The following OCIAD1 variants were observed in gnomAD, a reference collection of about 807,000 sequenced individuals.
OCIAD1 encodes the protein OCIA domain-containing protein 1.
OCIAD1 carries 29 observed loss-of-function variants against 38.9 expected under a neutral mutation model. The ratio of observed to expected loss-of-function variants is 0.74; its 90% CI spans 0.55 to 1.02. The LOEUF (loss-of-function observed/expected upper bound fraction) is 1.02. Among genes scored for constraint, OCIAD1 ranks in the 50% least tolerant of loss-of-function variants. The probability of loss-of-function intolerance (pLI) is 0.00; values close to 1 mark genes in which losing one functional copy is unlikely to be tolerated. For synonymous variants in OCIAD1, 110 were observed against 92.0 expected (o/e 1.20, Z -1.12); for missense variants, 288 against 289.6 (o/e 0.99, Z 0.04).
At chr4:48,838,850 A>G (rs1336337376) in intron 3 of OCIAD1, among the ~76,000 whole-genome samples, 4 of 152,210 alleles carry the variant, frequency 2.6e-5, no homozygotes. Context: ...ATGTTTCTAT[A>G]CTGACCTACA....
intron 3 of OCIAD1, among the ~76,000 whole-genome samples, chr4:48,839,421 G>A (rs1263819021): frequency 7.0e-6 from 1 of 143,578 alleles, no homozygotes; most frequent in Non-Finnish European, 1.5e-5. Flanking sequence ...GGGTGACAAA[G>A]CGAGACTTCA....
At chr4:48,812,310 A>AAAAAAAAAAAAAAAAAAAAAAAAAAC in intron 1 of OCIAD1, among the ~76,000 whole-genome samples, 1 of 148,060 alleles carries the variant, frequency 6.8e-6, no homozygotes, top group Non-Finnish European at 1.5e-5. Flanking sequence ...AAAAAAAAAA[A>AAAAAAAAAAAAAAAAAAAAAAAAAAC]AAAAAAGAAA....
chr4:48,860,857 A>C lies in OCIAD1; in HGVS notation c.*95A>C, dbSNP rs748906613. 2 of 873,670 alleles carry C rather than the reference A, an allele frequency of 2.3e-6. No homozygotes were observed. Among genetic ancestry groups the C allele is most frequent in the Non-Finnish European group, 3.8e-6 (2 of 529,096 alleles). The allele number at this position is 873,670 out of a possible 1,614,324, so 54.1% of individuals were successfully genotyped here. A position where few individuals can be genotyped will look rare whatever the true frequency, so the allele number is the denominator to read the frequency against. ...TGCTTTGAGCTCAGCAGCAGTCTTC[A>C]TAAACACATTTAAAACAAGATCCTG... is the stretch of plus-strand genomic sequence containing the variant. On this transcript the variant is annotated 3_prime_UTR_variant, in exon 9 of 9. Transcript: ENST00000264312.
chr4:48,854,037 A>G (rs898291498), intron 7 of OCIAD1, among the ~76,000 whole-genome samples: 2 of 152,196 alleles, frequency 1.3e-5, no homozygotes, highest in African/African-American at 4.8e-5. Flanking sequence ...GAGAATGGCT[A>G]AAGTCACTAT....
At chr4:48,839,792 GTAA>G (rs140195853) in intron 3 of OCIAD1, among the ~76,000 whole-genome samples, 2,612 of 152,260 alleles carry the variant, frequency 0.017, 72 homozygotes, top group African/African-American at 0.059. Flanking sequence ...TGGGACTGTG[GTAA>G]TAATGTGCAC....
At chr4:48,852,875 G>GTTTTTTTTTTTTTTTTT (rs770694566) in intron 7 of OCIAD1, among the ~76,000 whole-genome samples, 2 of 69,128 alleles carry the variant, frequency 2.9e-5, no homozygotes, top group African/African-American at 1.4e-4. Context: ...GTTTTTTTTT[G>GTTTTTTTTTTTTTTTTT]TTTTTTGTTT....
At chr4:48,858,256 C>CTG (rs753377749) in intron 8 of OCIAD1, among the ~76,000 whole-genome samples, 1 of 152,030 alleles carries the variant, frequency 6.6e-6, no homozygotes, top group South Asian at 2.1e-4. Context: ...ACTCATTTGA[C>CTG]TGTTTCTCTC....
chr4:48,851,772 A>G, intron 6 of OCIAD1, 34 bp from the exon 7 acceptor site: 1 of 1,280,806 alleles, frequency 7.8e-7, no homozygotes. Context: ...GCAATGACTC[A>G]TATTTCTTAC....
intron 6 of OCIAD1, 78 bp from the exon 7 acceptor site, chr4:48,851,728 A>G: frequency 1.3e-6 from 1 of 753,980 alleles, no homozygotes; most frequent in Non-Finnish European, 2.1e-6. Context: ...AAGCTATATG[A>G]AAGAAGTTAT....
intron 1 of OCIAD1, among the ~76,000 whole-genome samples, chr4:48,805,484 A>C (rs1299513911): frequency 2.6e-5 from 4 of 152,224 alleles, no homozygotes; most frequent in African/African-American, 9.6e-5. Flanking sequence ...GACTATACAG[A>C]TGGTAAGCAA....
chr4:48,839,649 A>G (rs570174837), intron 3 of OCIAD1, among the ~76,000 whole-genome samples: 16 of 152,306 alleles, frequency 1.1e-4, no homozygotes, highest in African/African-American at 2.9e-4. Context: ...TTAAATAGCT[A>G]TTAGTGTTAT....
chr4:48,849,917 T>C (rs1429595826), intron 5 of OCIAD1, 30 bp from the exon 6 acceptor site: 1 of 1,580,366 alleles, frequency 6.3e-7, no homozygotes, highest in Non-Finnish European at 8.6e-7. Context: ...GCACATTCAG[T>C]TACACTTTTT....
intron 6 of OCIAD1, 35 bp from the exon 7 acceptor site, chr4:48,851,771 C>T: frequency 8.0e-7 from 1 of 1,252,418 alleles, no homozygotes; most frequent in Non-Finnish European, 1.2e-6. Flanking sequence ...GGCAATGACT[C>T]ATATTTCTTA....
intron 1 of OCIAD1, among the ~76,000 whole-genome samples, chr4:48,819,356 T>A (rs1777169177): frequency 6.6e-6 from 1 of 152,098 alleles, no homozygotes; most frequent in Admixed American, 6.6e-5. Context: ...CTGAGGGATT[T>A]TTCTCACCAC....
At chr4:48,808,814 C>T (rs186166381) in intron 1 of OCIAD1, among the ~76,000 whole-genome samples, 25 of 152,308 alleles carry the variant, frequency 1.6e-4, no homozygotes, top group African/African-American at 6.0e-4. Context: ...CTCAGCACAT[C>T]CAGCACTCAG....
At chr4:48,826,943 G>A (rs1327541173), upstream of OCIAD1, among the ~76,000 whole-genome samples, 1 of 152,082 alleles carries the variant, frequency 6.6e-6, no homozygotes, top group Non-Finnish European at 1.5e-5. Flanking sequence ...GCATGTAATG[G>A]ATAGTTCTCC....
At chr4:48,823,181 G>A (rs1256398540) in intron 1 of OCIAD1, among the ~76,000 whole-genome samples, 61 of 152,138 alleles carry the variant, frequency 4.0e-4, no homozygotes, top group Non-Finnish European at 6.5e-4. Flanking sequence ...AAAATGTGGC[G>A]CATACATACC....
chr4:48,819,084 ACACT>A (rs1777166948), intron 1 of OCIAD1, among the ~76,000 whole-genome samples: 1 of 152,148 alleles, frequency 6.6e-6, no homozygotes, highest in Non-Finnish European at 1.5e-5. Flanking sequence ...CACCACTAAG[ACACT>A]CCTCAAGAAG....
upstream of OCIAD1, among the ~76,000 whole-genome samples, chr4:48,828,899 G>A (rs1256679568): frequency 6.6e-6 from 1 of 152,216 alleles, no homozygotes; most frequent in Non-Finnish European, 1.5e-5. Flanking sequence ...GCCTGGCTCA[G>A]TAAGTATAAA....
Sources: allele counts gnomAD v4.1 joint callset (sites outside exome capture counted in the v4.1 genomes callset), GRCh38; gene constraint gnomAD v4.1.1; transcripts MANE v1.5; gene names NCBI Gene and HGNC (gene_info 2026-07-23, HGNC 2026-07-21).